The following GET1 variants were observed in gnomAD, a reference collection of about 807,000 sequenced individuals.
GET1 encodes guided entry of tail-anchored proteins factor 1.
A neutral mutation model predicts 22.6 loss-of-function variants in GET1; 20 were observed. The observed-to-expected ratio is 0.89, with a 90% CI of 0.62 to 1.29. The LOEUF is 1.29. GET1 is among the 50% of genes most tolerant of loss of function. The pLI, the probability that GET1 is intolerant of heterozygous loss-of-function variation, is 0.00. For synonymous variants in GET1, 92 were observed against 83.8 expected, an observed-to-expected ratio of 1.10 and a Z score of -0.53; for missense variants, 209 against 219.9, an observed-to-expected ratio of 0.95 and a Z score of 0.31.
intron 1 of GET1, among the ~76,000 whole-genome samples, chr21:39,383,243 C>T (rs553902430): frequency 9.9e-4 from 143 of 144,506 alleles, no homozygotes; most frequent in African/African-American, 3.5e-3. Context: ...CTTGTGCCAC[C>T]GCGCCCAGCC....
chr21:39,400,074 A>G (rs1055481527), downstream of GET1, among the ~76,000 whole-genome samples: 1 of 152,126 alleles, frequency 6.6e-6, no homozygotes, highest in African/African-American at 2.4e-5. Flanking sequence ...AGGGGCTGGA[A>G]TGCTAGGCAA....
intron 1 of GET1, chr21:39,428,022 C>T: frequency 1.7e-6 from 1 of 581,838 alleles, no homozygotes; most frequent in Non-Finnish European, 3.1e-6. Flanking sequence ...TCTCTATTTC[C>T]TAATTTATTC....
At chr21:39,419,248 G>A (rs1601799653) in intron 1 of GET1, among the ~76,000 whole-genome samples, 1 of 152,198 alleles carries the variant, frequency 6.6e-6, no homozygotes, top group East Asian at 1.9e-4. Flanking sequence ...GATCAGGCTG[G>A]GTGTGGTGGC....
chr21:39,410,068 T>G (rs970766892), downstream of GET1: 5 of 1,611,252 alleles, frequency 3.1e-6, no homozygotes, highest in Admixed American at 6.7e-5. Flanking sequence ...TTTTTCTTTA[T>G]GATCGATGTT....
chr21:39,392,505 G>T (rs2038369430), intron 3 of GET1, among the ~76,000 whole-genome samples: 1 of 89,028 alleles, frequency 1.1e-5, no homozygotes, highest in African/African-American at 3.1e-5. Context: ...ACTGTCATTT[G>T]CTAAGAGATA....
intron 1 of GET1, chr21:39,386,057 C>T (rs1274953392): frequency 6.6e-6 from 1 of 152,274 alleles, no homozygotes; most frequent in Non-Finnish European, 1.5e-5. Context: ...TCAATCCGAG[C>T]TTTGCAGATG....
intron 2 of GET1, chr21:39,391,238 G>A (rs1402102509): frequency 8.8e-6 from 2 of 226,814 alleles, no homozygotes; most frequent in African/African-American, 2.3e-5. Flanking sequence ...AAAATGCCCA[G>A]CAGTGTCCTC....
intron 1 of GET1, among the ~76,000 whole-genome samples, chr21:39,420,065 G>A (rs981621711): frequency 2.0e-5 from 3 of 152,138 alleles, no homozygotes; most frequent in Non-Finnish European, 4.4e-5. Flanking sequence ...TACTTAACGT[G>A]ATGAAATAGG....
chr21:39,421,579 A>G (rs2073775569), intron 1 of GET1: 1 of 152,206 alleles, frequency 6.6e-6, no homozygotes, highest in Non-Finnish European at 1.5e-5. Flanking sequence ...GCTCTCTGGA[A>G]TGAGAACTAT....
At chr21:39,422,750 T>C (rs565558302) in intron 1 of GET1, 53 of 573,110 alleles carry the variant, frequency 9.2e-5, no homozygotes, top group Middle Eastern at 9.0e-4. Context: ...GAGTGAACTC[T>C]TGTGCACTGC....
In GET1 at chr21:39,395,592, G is replaced by T. The variant is rs1463503233; in HGVS notation, c.452-1274G>T. Among the ~76,000 whole-genome samples the T allele has an allele frequency of 2.0e-5, 3 of 152,096 alleles. No homozygotes were observed. In the East Asian group the frequency reaches 5.8e-4, roughly 29 times the overall value. On this transcript the variant is annotated intron_variant, in intron 4 of 4. Coordinates refer to ENST00000649170, the MANE Select transcript of GET1 (RefSeq NM_004627.6). ...TTGGCCAGGCTGGTCTTGAACTCTT[G>T]ACCTCAGGTGATCCACCTGCCTTAT...
Position 39,397,140 on chromosome 21 carries a change from G to C in GET1, c.*201G>C, listed in dbSNP as rs918978302. ...CTACACCTGTCATTGAGCCAAGAAA[G>C]TCCAGTTTATGACACGTATGTACTA... On this transcript the variant is annotated 3_prime_UTR_variant, in exon 5 of 5. Transcript: ENST00000649170. 4.9e-6 allele frequency: 3 copies of C among 610,836 alleles called. No homozygotes were observed. The African/African-American group carries it at 5.6e-5, about 11-fold the overall frequency. The allele number at this position is 610,836 out of a possible 1,614,324, so 37.8% of individuals were successfully genotyped here.
chr21:39,422,980 A>G (rs750393482), intron 1 of GET1: 5 of 1,613,026 alleles, frequency 3.1e-6, no homozygotes, highest in Non-Finnish European at 4.2e-6. Context: ...ACAGACCTGT[A>G]TTTTTTTGTC....
chr21:39,385,849 AC>A (rs1260153925), intron 1 of GET1, among the ~76,000 whole-genome samples: 2 of 151,996 alleles, frequency 1.3e-5, no homozygotes, highest in Non-Finnish European at 2.9e-5. Context: ...CGCATACCGC[AC>A]ACACTGCGCA....
At chr21:39,382,979 C>T (rs1601592953) in intron 1 of GET1, among the ~76,000 whole-genome samples, 1 of 152,068 alleles carries the variant, frequency 6.6e-6, no homozygotes, top group Non-Finnish European at 1.5e-5. Flanking sequence ...GAGATGGAGT[C>T]TTGCTCCGTT....
intron 1 of GET1, chr21:39,422,617 G>A: frequency 2.8e-6 from 1 of 353,846 alleles, no homozygotes; most frequent in Non-Finnish European, 5.0e-6. Flanking sequence ...GTAGAGGGTT[G>A]ACTTCAAAGA....
At chr21:39,423,397 A>G (rs2074072656) in intron 1 of GET1, 1 of 1,609,392 alleles carries the variant, frequency 6.2e-7, no homozygotes, top group Non-Finnish European at 8.5e-7. Context: ...TCGATGAGCC[A>G]TAGCATCTCT....
intron 4 of GET1, among the ~76,000 whole-genome samples, chr21:39,395,392 TCTCACTCTGTCGCCCAG>T (rs1248548345): frequency 6.6e-6 from 1 of 151,174 alleles, no homozygotes; most frequent in Non-Finnish European, 1.5e-5. Flanking sequence ...TAAGACCGAG[TCTCACTCTGTCGCCCAG>T]GCTGGAGTGC....
At chr21:39,388,220 T>C (rs1002249492) in intron 1 of GET1, among the ~76,000 whole-genome samples, 19 of 151,960 alleles carry the variant, frequency 1.3e-4, no homozygotes, top group Non-Finnish European at 2.6e-4. Context: ...AAAAAAAAAT[T>C]AGTCGAGTGT....
Sources: allele counts gnomAD v4.1 joint callset (sites outside exome capture counted in the v4.1 genomes callset), GRCh38; gene constraint gnomAD v4.1.1; transcripts MANE v1.5; gene names NCBI Gene and HGNC (gene_info 2026-07-23, HGNC 2026-07-21).